ZNF571: variants seen among roughly 807,000 people sequenced by gnomAD.
ZNF571 encodes the protein zinc finger protein 571.
ZNF571 carries 4 observed loss-of-function variants against 7.7 expected under a neutral mutation model. That is an observed-to-expected ratio of 0.52 (90% confidence interval 0.25 to 1.18). ZNF571 has a LOEUF of 1.18. Ranked by LOEUF, ZNF571 falls within the 50% of genes most tolerant of loss-of-function variation. The probability of loss-of-function intolerance (pLI) is 0.14; values close to 1 mark genes in which losing one functional copy is unlikely to be tolerated. For missense variants in ZNF571, 704 were observed against 726.9 expected, an observed-to-expected ratio of 0.97 and a Z score of 0.36; for synonymous variants, 251 against 232.4, an observed-to-expected ratio of 1.08 and a Z score of -0.73.
chr19:37,582,030 T>C (rs749588723), intron 3 of ZNF571, among the ~76,000 whole-genome samples: 1 of 152,188 alleles, frequency 6.6e-6, no homozygotes, highest in Non-Finnish European at 1.5e-5. Flanking sequence ...TAAACTCTAA[T>C]CACACTTCTT....
chr19:37,572,823 A>G (rs999641486), intron 3 of ZNF571, among the ~76,000 whole-genome samples: 7 of 152,246 alleles, frequency 4.6e-5, no homozygotes, highest in African/African-American at 1.7e-4. Context: ...ACCAATTACT[A>G]TAACTATTTA....
intron 1 of ZNF571, among the ~76,000 whole-genome samples, chr19:37,589,864 C>CAAAAAAAAAAAAA: frequency 3.4e-5 from 1 of 29,588 alleles, no homozygotes; most frequent in Non-Finnish European, 5.5e-5. Flanking sequence ...GACTCCATCT[C>CAAAAAAAAAAAAA]AAAAAAAAAA....
At chr19:37,575,573 G>T (rs916899092) in intron 3 of ZNF571, 1 of 152,098 alleles carries the variant, frequency 6.6e-6, no homozygotes, top group Non-Finnish European at 1.5e-5. Flanking sequence ...CCCACTTCTC[G>T]TTCTGGGCCC....
chr19:37,589,864 CAAAAAAAAAA>C (rs60136941), intron 1 of ZNF571, among the ~76,000 whole-genome samples: 2 of 29,590 alleles, frequency 6.8e-5, no homozygotes, highest in African/African-American at 3.0e-4. Flanking sequence ...GACTCCATCT[CAAAAAAAAAA>C]AAAAAAAAAA....
chr19:37,587,857 G>A (rs886467875), intron 1 of ZNF571, among the ~76,000 whole-genome samples: 3 of 151,966 alleles, frequency 2.0e-5, no homozygotes, highest in Middle Eastern at 3.4e-3. Context: ...AGTGGCTCAC[G>A]CCTGTAGTCC....
chr19:37,583,657 G>A (rs10425671), intron 3 of ZNF571: 154,852 of 183,450 alleles, frequency 0.84, 65,857 homozygotes, highest in African/African-American at 0.94. Context: ...CCTTGCTCCA[G>A]TAAGGAAAGT....
intron 1 of ZNF571, chr19:37,594,070 T>C (rs987942213): frequency 2.0e-5 from 3 of 152,080 alleles, no homozygotes; most frequent in Non-Finnish European, 2.9e-5. Flanking sequence ...GACGAAACAA[T>C]TTAGGATAAC....
At chr19:37,578,732 C>T (rs553477388) in intron 3 of ZNF571, among the ~76,000 whole-genome samples, 6 of 152,142 alleles carry the variant, frequency 3.9e-5, no homozygotes, top group African/African-American at 1.4e-4. Flanking sequence ...CAGGAACCTC[C>T]CAGATAGCAG....
chr19:37,564,491 G>A lies in ZNF571; in HGVS notation c.*107C>T. 5 of 993,682 alleles carry A rather than the reference G, an allele frequency of 5.0e-6. No homozygotes were observed. The highest frequency in any genetic ancestry group is 6.9e-6 in the Non-Finnish European group (5 of 722,190). The allele number at this position is 993,682 out of a possible 1,614,324, so 61.6% of individuals were successfully genotyped here. ...TTATTCTGCATCCATGTTAATGTAG[G>A]CCTTCTAAGAATGAGCAGATTCTGA... is the stretch of plus-strand genomic sequence containing the variant. On this transcript the variant is annotated 3_prime_UTR_variant, in exon 4 of 4. Coordinates refer to ENST00000451802, the MANE Select transcript of ZNF571 (RefSeq NM_016536.5).
chr19:37,567,576 G>A (rs895578335), intron 3 of ZNF571: 1 of 152,158 alleles, frequency 6.6e-6, no homozygotes, highest in African/African-American at 2.4e-5. Context: ...TTATTGGCCT[G>A]ATTTAAGTTC....
chr19:37,578,368 G>A (rs1054996024), intron 3 of ZNF571, among the ~76,000 whole-genome samples: 20 of 152,264 alleles, frequency 1.3e-4, no homozygotes, highest in Admixed American at 4.6e-4. Context: ...GAGAGAGTGA[G>A]AGTCCCTGGG....
chr19:37,575,038 A>G (rs561031217), intron 3 of ZNF571, among the ~76,000 whole-genome samples: 2 of 152,346 alleles, frequency 1.3e-5, no homozygotes, highest in South Asian at 4.1e-4. Context: ...CATAATTATA[A>G]ATAACTCTAT....
At chr19:37,594,151 GTCT>G (rs1042912488) in intron 1 of ZNF571, 4 of 152,292 alleles carry the variant, frequency 2.6e-5, no homozygotes, top group East Asian at 1.9e-4. Context: ...TTTAACAGTG[GTCT>G]TCTTCCTAAG....
intron 1 of ZNF571, among the ~76,000 whole-genome samples, chr19:37,589,617 T>C (rs1325271916): frequency 1.3e-5 from 2 of 152,058 alleles, no homozygotes; most frequent in East Asian, 3.9e-4. Flanking sequence ...CTAAGTTCCT[T>C]GAAGATACAC....
chr19:37,588,649 C>T (rs577242008), intron 1 of ZNF571, among the ~76,000 whole-genome samples: 2 of 152,148 alleles, frequency 1.3e-5, no homozygotes, highest in African/African-American at 4.8e-5. Flanking sequence ...CCCCAAACCT[C>T]GGCATCACAC....
chr19:37,584,733 C>T (rs1019673036), intron 2 of ZNF571, among the ~76,000 whole-genome samples: 1 of 151,912 alleles, frequency 6.6e-6, no homozygotes, highest in Non-Finnish European at 1.5e-5. Context: ...GAGGCCGAGG[C>T]GGGCGGATCA....
chr19:37,581,267 C>T (rs1243692564), intron 3 of ZNF571, among the ~76,000 whole-genome samples: 1 of 152,110 alleles, frequency 6.6e-6, no homozygotes, highest in Non-Finnish European at 1.5e-5. Flanking sequence ...ATAGATTAGT[C>T]TCTTTTTAAT....
At position 37,564,747 on chromosome 19, in the gene ZNF571, T is replaced by C. The variant is rs1164830069; in HGVS notation, c.1681A>G (p.Lys561Glu). The C allele has an allele frequency of 9.9e-6, 16 of 1,613,622 alleles. No individual in the cohort carries two copies. Among genetic ancestry groups the C allele is most frequent in the Non-Finnish European group, 1.4e-5 (16 of 1,179,628 alleles). The change falls in exon 4 of 4, where the codon AAG (lysine) becomes GAG (glutamate). Residue 561 changes from lysine (K) to glutamate (E), a missense_variant. Transcript: ENST00000451802. The part of the protein sequence containing the change: ...THTGEKPYEC[K>E]ECGRAFSRGS... ...CGACTAAAGGCCCTCCCACATTCCT[T>C]ACATTCATAGGGTTTCTCTCCAGTA...
chr19:37,591,938 A>AT lies in ZNF571; in HGVS notation c.-70+2802dup, dbSNP rs1412994361. Reference sequence around the variant, plus strand: ...AATGAATACAGGAGGAATTGAGAGAATTTTTTTTTAATCACCATATATAAC... The same window carrying AT: ...AATGAATACAGGAGGAATTGAGAGAATTTTTTTTTTAATCACCATATATAAC... On this transcript the variant is annotated intron_variant, in intron 1 of 3. Coordinates refer to ENST00000451802, the MANE Select transcript of ZNF571 (RefSeq NM_016536.5). Among the ~76,000 whole-genome samples the AT allele has an allele frequency of 4.0e-5, 6 of 151,892 alleles. No homozygotes were observed. In the East Asian group the frequency reaches 9.7e-4, roughly 24 times the overall value.
Sources: allele counts gnomAD v4.1 joint callset (sites outside exome capture counted in the v4.1 genomes callset), GRCh38; gene constraint gnomAD v4.1.1; transcripts MANE v1.5; gene names NCBI Gene and HGNC (gene_info 2026-07-23, HGNC 2026-07-21).